MSRB3: variants seen among roughly 807,000 people sequenced by gnomAD.
MSRB3 encodes methionine-R-sulfoxide reductase B3.
MSRB3 carries 13 observed loss-of-function variants against 21.0 expected under a neutral mutation model. The ratio of observed to expected loss-of-function variants is 0.62; its 90% CI spans 0.40 to 0.98. The LOEUF is 0.98. Ranked by LOEUF, MSRB3 falls within the 50% of genes least tolerant of loss-of-function variation. The pLI is 0.00. For synonymous variants in MSRB3, 87 were observed against 88.6 expected (o/e 0.98, Z 0.10); for missense variants, 199 against 230.3 (o/e 0.86, Z 0.88).
intron 4 of MSRB3, among the ~76,000 whole-genome samples, chr12:65,346,537 A>C (rs200873774): frequency 0.07 from 10,576 of 151,680 alleles, 826 homozygotes; most frequent in African/African-American, 0.2. Flanking sequence ...CTGTAGGTTG[A>C]CTGTTCACTC....
intron 5 of MSRB3, among the ~76,000 whole-genome samples, chr12:65,406,512 C>T (rs1338607864): frequency 2.6e-5 from 4 of 152,128 alleles, no homozygotes. Flanking sequence ...TGTCTGTATA[C>T]CCAAAACTAT....
chr12:65,389,405 C>T (rs955706417), intron 5 of MSRB3, among the ~76,000 whole-genome samples: 12 of 152,084 alleles, frequency 7.9e-5, no homozygotes, highest in Admixed American at 6.5e-4. Context: ...TCTTCATTAC[C>T]TCCTTCAGAA....
intron 1 of MSRB3, among the ~76,000 whole-genome samples, chr12:65,302,678 TGCCAAATTCCA>T (rs1378078850): frequency 1.3e-5 from 2 of 152,176 alleles, no homozygotes; most frequent in Non-Finnish European, 2.9e-5. Flanking sequence ...ACAAAAGGAA[TGCCAAATTCCA>T]GCCAATGAGC....
intron 1 of MSRB3, chr12:65,305,245 T>A (rs1030989017): frequency 6.6e-6 from 1 of 151,960 alleles, no homozygotes; most frequent in African/African-American, 2.4e-5. Flanking sequence ...TTTTTGTACT[T>A]TTAGTTTCGC....
At chr12:65,388,246 C>T (rs1249852789) in intron 5 of MSRB3, among the ~76,000 whole-genome samples, 10 of 152,164 alleles carry the variant, frequency 6.6e-5, no homozygotes, top group Non-Finnish European at 1.3e-4. Flanking sequence ...CAGAAAATGA[C>T]GTTGTGTTTG....
chr12:65,366,313 A>T (rs1878011370), intron 4 of MSRB3, among the ~76,000 whole-genome samples: 1 of 152,154 alleles, frequency 6.6e-6, no homozygotes, highest in Admixed American at 6.5e-5. Flanking sequence ...GACTGGAGGT[A>T]CACACATGCT....
chr12:65,329,235 T>C (rs184299450), intron 4 of MSRB3, among the ~76,000 whole-genome samples: 2 of 152,226 alleles, frequency 1.3e-5, no homozygotes, highest in African/African-American at 4.8e-5. Context: ...ATGGATGTTA[T>C]TCAAGAAAGG....
intron 5 of MSRB3, among the ~76,000 whole-genome samples, chr12:65,446,265 T>G (rs903363749): frequency 3.3e-5 from 5 of 152,208 alleles, no homozygotes; most frequent in Admixed American, 3.3e-4. Flanking sequence ...GAAGAGACCA[T>G]TCTGACCTAC....
intron 5 of MSRB3, among the ~76,000 whole-genome samples, chr12:65,445,907 A>C (rs929951730): frequency 1.3e-5 from 2 of 152,112 alleles, no homozygotes; most frequent in Admixed American, 6.5e-5. Context: ...AGCCTCCCAA[A>C]GTGCTGGGAT....
chr12:65,434,065 T>C (rs1855525246), intron 5 of MSRB3, among the ~76,000 whole-genome samples: 1 of 151,984 alleles, frequency 6.6e-6, no homozygotes, highest in Non-Finnish European at 1.5e-5. Context: ...CTGGAATCTT[T>C]TGGCTTAAGG....
At chr12:65,462,692 A>C (rs1883383408) in intron 6 of MSRB3, among the ~76,000 whole-genome samples, 1 of 152,172 alleles carries the variant, frequency 6.6e-6, no homozygotes, top group Non-Finnish European at 1.5e-5. Context: ...GTTAAGTTTT[A>C]CTGCCCATGA....
intron 4 of MSRB3, among the ~76,000 whole-genome samples, chr12:65,357,953 C>G (rs76500458): frequency 1.4e-4 from 21 of 151,938 alleles, no homozygotes; most frequent in African/African-American, 5.1e-4. Context: ...CCTCCTTTTC[C>G]TAGTGTATTC....
At chr12:65,361,148 G>C (rs1334465325) in intron 4 of MSRB3, among the ~76,000 whole-genome samples, 1 of 151,772 alleles carries the variant, frequency 6.6e-6, no homozygotes, top group Non-Finnish European at 1.5e-5. Context: ...TGTGGCCATA[G>C]GTAAACTTCA....
rs144110975 is a variant in MSRB3, at chr12:65,465,055, C to G, written c.*1733C>G. 3 of 152,244 alleles carry G rather than the reference C, an allele frequency of 2.0e-5. No individual in the cohort carries two copies. The highest frequency in any genetic ancestry group is 1.3e-4 in the Admixed American group (2 of 15,296). 9.4% of individuals were successfully genotyped at this position (152,244 alleles called of 1,614,324 possible). ...TTCTAATTGCCTCAAAGGCCAAAGC[C>G]CAGGCATTTGAAATGGAAAGAAGCA... On this transcript the variant is annotated 3_prime_UTR_variant, in exon 7 of 7. Coordinates refer to ENST00000308259, the MANE Select transcript of MSRB3 (RefSeq NM_001031679.3).
intron 6 of MSRB3, among the ~76,000 whole-genome samples, chr12:65,460,139 A>C (rs767594356): frequency 1.3e-5 from 2 of 152,256 alleles, no homozygotes; most frequent in Non-Finnish European, 2.9e-5. Flanking sequence ...CAGGTCTCAG[A>C]GATTTCTTCA....
chr12:65,330,752 AG>A (rs1875359982), intron 4 of MSRB3, among the ~76,000 whole-genome samples: 2 of 152,144 alleles, frequency 1.3e-5, no homozygotes, highest in Non-Finnish European at 2.9e-5. Flanking sequence ...AGGTTAAAAA[AG>A]TGTTGGTAAA....
intron 1 of MSRB3, among the ~76,000 whole-genome samples, chr12:65,290,141 GTGA>G (rs796557758): frequency 2.9e-4 from 39 of 135,976 alleles, no homozygotes; most frequent in African/African-American, 9.7e-4. Flanking sequence ...AATAATAATA[GTGA>G]TGATAATAGT....
intron 5 of MSRB3, among the ~76,000 whole-genome samples, chr12:65,416,381 G>A (rs190693243): frequency 1.3e-5 from 2 of 152,306 alleles, no homozygotes; most frequent in Non-Finnish European, 2.9e-5. Flanking sequence ...AGGTACTGCA[G>A]GAATCTTTGT....
chr12:65,327,051 A>G (rs1875094583), intron 3 of MSRB3, 117 bp downstream of exon 3: 6 of 753,982 alleles, frequency 8.0e-6, no homozygotes, highest in Admixed American at 2.1e-5. Flanking sequence ...GCTAAAGTCT[A>G]TGAATTAGTA....
Sources: allele counts gnomAD v4.1 joint callset (sites outside exome capture counted in the v4.1 genomes callset), GRCh38; gene constraint gnomAD v4.1.1; transcripts MANE v1.5; gene names NCBI Gene and HGNC (gene_info 2026-07-23, HGNC 2026-07-21).